The following CDH17 variants were observed in gnomAD, a reference collection of about 807,000 sequenced individuals.
The protein encoded by CDH17 is cadherin 17, also known as cadherin-17.
Under a neutral mutation model 86.3 loss-of-function variants are expected in CDH17, and 67 were observed. The ratio of observed to expected loss-of-function variants is 0.78; its 90% CI spans 0.64 to 0.95. The LOEUF is 0.95. Among genes scored for constraint, CDH17 ranks in the 40% least tolerant of loss-of-function variants. The pLI is 0.00. For synonymous variants in CDH17, 367 were observed against 366.4 expected, an observed-to-expected ratio of 1.00 and a Z score of -0.02; for missense variants, 993 against 1,017.6, an observed-to-expected ratio of 0.98 and a Z score of 0.33.
intron 1 of CDH17, among the ~76,000 whole-genome samples, chr8:94,200,503 A>G (rs1019918358): frequency 6.8e-6 from 1 of 146,132 alleles, no homozygotes; most frequent in Non-Finnish European, 1.5e-5. Flanking sequence ...CACCCTTTGC[A>G]ACATAGATCA....
chr8:94,204,268 C>A (rs1229784612), intron 1 of CDH17, among the ~76,000 whole-genome samples: 1 of 152,104 alleles, frequency 6.6e-6, no homozygotes, highest in Non-Finnish European at 1.5e-5. Flanking sequence ...GCCCCACATG[C>A]ATTAGGGATT....
At position 94,141,035 on chromosome 8, in the gene CDH17, G is replaced by C. The variant is rs1439525401; in HGVS notation, c.2167+4893C>G. Among the ~76,000 whole-genome samples the C allele has an allele frequency of 2.0e-5, 3 of 152,128 alleles. No individual in the cohort carries two copies. The South Asian group carries it at 6.2e-4, about 32-fold the overall frequency. On this transcript the variant is annotated intron_variant, in intron 15 of 17. Transcript: ENST00000027335. Reference sequence around the variant, plus strand: ...CATTATACAAGGCAAAATATAGAGAGAGACCAACATCCCTCATGAATATAG... The same window carrying C: ...CATTATACAAGGCAAAATATAGAGACAGACCAACATCCCTCATGAATATAG...
chr8:94,146,017 T>A lies in CDH17; in HGVS notation c.2078A>T (p.Asp693Val), dbSNP rs143887440. 1.2e-6 allele frequency: 2 copies of A among 1,613,808 alleles called. No individual in the cohort carries two copies. Among genetic ancestry groups the A allele is most frequent in the African/African-American group, 1.3e-5 (1 of 74,898 alleles). ...PGSLIFEATDDDQHLFRGPHF... is the reference protein window; with the variant it reads ...PGSLIFEATDVDQHLFRGPHF... The stretch of plus-strand genomic sequence containing the variant: ...GGGACCCCGAAATAAGTGCTGATCA[T>A]CATCAGTAGCCTCGAAAATGAGACT... The change falls in exon 15 of 18, where the codon GAT (aspartate) becomes GTT (valine). Residue 693 changes from aspartate to valine, a missense_variant. Transcript: ENST00000027335.
intron 1 of CDH17, among the ~76,000 whole-genome samples, chr8:94,214,667 A>G (rs1814169317): frequency 6.6e-6 from 1 of 152,226 alleles, no homozygotes; most frequent in South Asian, 2.1e-4. Context: ...CTTAATCAAA[A>G]TTAAGAACTT....
At chr8:94,211,851 C>T (rs991875348), upstream of CDH17, among the ~76,000 whole-genome samples, 200 of 152,296 alleles carry the variant, frequency 1.3e-3, 1 homozygote, top group African/African-American at 4.6e-3. Flanking sequence ...AATTAGTACT[C>T]AATAAGTACT....
chr8:94,143,012 G>A (rs2130586393), intron 15 of CDH17, among the ~76,000 whole-genome samples: 1 of 152,282 alleles, frequency 6.6e-6, no homozygotes, highest in South Asian at 2.1e-4. Context: ...AAATGTTCTT[G>A]ATGATATCTA....
chr8:94,184,686 C>G (rs953264082), intron 3 of CDH17, among the ~76,000 whole-genome samples: 2 of 151,974 alleles, frequency 1.3e-5, no homozygotes, highest in Non-Finnish European at 2.9e-5. Flanking sequence ...ATACTAAAAA[C>G]TACTGAATTT....
chr8:94,204,501 A>G (rs1288049920), intron 1 of CDH17, among the ~76,000 whole-genome samples: 1 of 152,168 alleles, frequency 6.6e-6, no homozygotes, highest in African/African-American at 2.4e-5. Context: ...GCTGCATAGT[A>G]TTCCATGGTG....
chr8:94,160,311 T>C, intron 11 of CDH17, 149 bp from the exon 12 acceptor site: 1 of 601,342 alleles, frequency 1.7e-6, no homozygotes, highest in South Asian at 2.5e-5. Context: ...ATGAATATAT[T>C]GCAGTTGATT....
intron 13 of CDH17, among the ~76,000 whole-genome samples, chr8:94,150,954 CTT>C (rs1812844885): frequency 6.6e-6 from 1 of 152,180 alleles, no homozygotes; most frequent in Admixed American, 6.5e-5. Flanking sequence ...CAGGTGGTAA[CTT>C]TGCTTCTCAA....
chr8:94,160,026 C>T lies in CDH17; in HGVS notation c.1496G>A (p.Arg499His), dbSNP rs73695135. Residue 499 changes from arginine (R) to histidine (H), a missense_variant, in exon 12 of 18, where the codon CGC becomes CAC. Coordinates refer to ENST00000027335, the MANE Select transcript of CDH17 (RefSeq NM_004063.4). Reference protein sequence around the residue: ...YHIIKGDSEGRLGVDTDPHTN... With the variant: ...YHIIKGDSEGHLGVDTDPHTN... ...ATGGGGATCTGTGTCAACCCCCAGG[C>T]GTCCCTCACTGTCTCCCTTTATGAT... 2.1e-3 allele frequency: 3,382 copies of T among 1,613,636 alleles called. 66 individuals carry two copies. In the African/African-American group the frequency reaches 0.037, roughly 18 times the overall value.
intron 5 of CDH17, among the ~76,000 whole-genome samples, chr8:94,175,472 T>C (rs1813354628): frequency 6.6e-6 from 1 of 152,138 alleles, no homozygotes; most frequent in Non-Finnish European, 1.5e-5. Flanking sequence ...ATGATGCAAA[T>C]GGCCCCAAGT....
At chr8:94,156,238 T>C (rs534105762) in intron 12 of CDH17, among the ~76,000 whole-genome samples, 1 of 152,292 alleles carries the variant, frequency 6.6e-6, no homozygotes. Flanking sequence ...GGGTTGAGAC[T>C]GGGATATTTA....
chr8:94,168,142 A>G (rs1813198627), intron 9 of CDH17, among the ~76,000 whole-genome samples: 2 of 53,312 alleles, frequency 3.8e-5, no homozygotes, highest in African/African-American at 1.3e-4. Flanking sequence ...ATATATATAT[A>G]TATATATATA....
At chr8:94,166,135 T>G (rs1207188173) in intron 9 of CDH17, among the ~76,000 whole-genome samples, 159 bp from the exon 10 acceptor site, 3 of 139,174 alleles carry the variant, frequency 2.2e-5, no homozygotes, top group African/African-American at 1.0e-4. Context: ...CATCCTATCA[T>G]GTAATGGGTT....
intron 13 of CDH17, among the ~76,000 whole-genome samples, 183 bp from the exon 14 acceptor site, chr8:94,149,057 G>A (rs1371827636): frequency 6.6e-6 from 1 of 152,024 alleles, no homozygotes; most frequent in African/African-American, 2.4e-5. Context: ...CATATTTAAA[G>A]GATCTATTAT....
Position 94,176,627 on chromosome 8 carries a change from G to T in CDH17, c.338C>A (p.Thr113Asn), listed in dbSNP as rs1340334635. ...GIIVEGPVPI[T>N]IKVKDINDNR... The stretch of plus-strand genomic sequence containing the variant: ...GTCGTTGATGTCCTTCACTTTTATG[G>T]TGATAGGGACTGGACCCTCCACTAT... Residue 113 changes from threonine to asparagine, a missense_variant, in exon 5 of 18, where the codon ACC (threonine) becomes AAC (asparagine). Transcript: ENST00000027335. The T allele has an allele frequency of 3.1e-6, 5 of 1,613,554 alleles. No homozygotes were observed. Among genetic ancestry groups the T allele is most frequent in the Non-Finnish European group, 4.2e-6 (5 of 1,179,634 alleles).
At chr8:94,151,693 A>G (rs1456688621) in intron 13 of CDH17, among the ~76,000 whole-genome samples, 175 bp downstream of exon 13, 1 of 152,168 alleles carries the variant, frequency 6.6e-6, no homozygotes, top group Non-Finnish European at 1.5e-5. Context: ...TTGATGAACC[A>G]CCATCCCTTG....
chr8:94,151,682 A>G (rs1812858322), intron 13 of CDH17, among the ~76,000 whole-genome samples, 186 bp downstream of exon 13: 1 of 152,180 alleles, frequency 6.6e-6, no homozygotes, highest in South Asian at 2.1e-4. Flanking sequence ...CTAGATGGTT[A>G]TTGATGAACC....
Sources: gnomAD v4.1 joint callset for allele counts (sites outside exome capture counted in the v4.1 genomes callset) on GRCh38, gnomAD v4.1.1 for gene constraint, MANE v1.5 for transcripts, NCBI Gene and HGNC (gene_info 2026-07-23, HGNC 2026-07-21) for gene names.